AFG2A: variants seen among roughly 807,000 people sequenced by gnomAD.
The protein encoded by AFG2A is AAA ATPase AFG2A.
At chr4:123,000,429 C>T in the AFG2A span, among the ~76,000 whole-genome samples, 1 of 151,690 alleles carries the variant, frequency 6.6e-6, no homozygotes, top group East Asian at 1.9e-4. Flanking sequence ...CAGTATGATA[C>T]TGGCTGTGGG....
chr4:122,967,708 G>T, the AFG2A span, among the ~76,000 whole-genome samples: 1 of 151,944 alleles, frequency 6.6e-6, no homozygotes, highest in Non-Finnish European at 1.5e-5. Flanking sequence ...TTGCAGTATT[G>T]CCGAGACTGG....
chr4:123,216,317 T>C, the AFG2A span, among the ~76,000 whole-genome samples: 1 of 152,172 alleles, frequency 6.6e-6, no homozygotes, highest in Admixed American at 6.6e-5. Context: ...GTGGTTAATA[T>C]ATAATATAAA....
chr4:123,035,438 A>C, the AFG2A span, among the ~76,000 whole-genome samples: 1 of 152,140 alleles, frequency 6.6e-6, no homozygotes, highest in Non-Finnish European at 1.5e-5. Flanking sequence ...ATTTGCTTAA[A>C]TCGGCAGTTA....
At chr4:123,167,614 T>C in the AFG2A span, among the ~76,000 whole-genome samples, 1 of 152,222 alleles carries the variant, frequency 6.6e-6, no homozygotes, top group Non-Finnish European at 1.5e-5. Flanking sequence ...CCCAAAGTGC[T>C]GGGATTACAG....
the AFG2A span, among the ~76,000 whole-genome samples, chr4:123,130,486 A>G: frequency 5.9e-5 from 9 of 152,206 alleles, no homozygotes; most frequent in Non-Finnish European, 1.2e-4. Flanking sequence ...AGTTTTGCCC[A>G]TTTCCCAAAT....
At chr4:123,102,748 G>A in the AFG2A span, among the ~76,000 whole-genome samples, 2 of 149,510 alleles carry the variant, frequency 1.3e-5, no homozygotes, top group African/African-American at 4.9e-5. Flanking sequence ...TAATTTTAAA[G>A]TACATAAAGA....
the AFG2A span, among the ~76,000 whole-genome samples, chr4:123,240,346 C>T: frequency 1.3e-5 from 2 of 152,282 alleles, no homozygotes; most frequent in East Asian, 3.9e-4. Flanking sequence ...AGCACCACGT[C>T]GCAATTACTC....
At chr4:123,031,677 T>C in the AFG2A span, among the ~76,000 whole-genome samples, 1 of 152,236 alleles carries the variant, frequency 6.6e-6, no homozygotes, top group African/African-American at 2.4e-5. Flanking sequence ...TTTAAACAGA[T>C]TGAAAGGAAA....
At chr4:122,940,511 C>G in the AFG2A span, among the ~76,000 whole-genome samples, 1 of 152,006 alleles carries the variant, frequency 6.6e-6, no homozygotes, top group African/African-American at 2.4e-5. Flanking sequence ...TGTTTGAGTT[C>G]ATTGTAGATT....
the AFG2A span, chr4:123,255,875 A>G: frequency 1.0e-6 from 1 of 968,812 alleles, no homozygotes; most frequent in Non-Finnish European, 1.5e-6. Flanking sequence ...AGATTATGGA[A>G]TCTCTGGTAC....
chr4:123,091,566 A>G, the AFG2A span, among the ~76,000 whole-genome samples: 1 of 152,228 alleles, frequency 6.6e-6, no homozygotes, highest in Non-Finnish European at 1.5e-5. Flanking sequence ...GTTGCCATCA[A>G]CACAAGAACT....
the AFG2A span, chr4:123,256,990 T>G: frequency 8.5e-6 from 3 of 352,316 alleles, no homozygotes; most frequent in Admixed American, 6.5e-5. Flanking sequence ...TTAATATTTT[T>G]TTAAGTACAA....
At chr4:123,153,457 T>G in the AFG2A span, among the ~76,000 whole-genome samples, 12 of 152,204 alleles carry the variant, frequency 7.9e-5, no homozygotes, top group Non-Finnish European at 1.8e-4. Context: ...TTGTACCCAT[T>G]TTTTTTCTTC....
the AFG2A span, among the ~76,000 whole-genome samples, chr4:123,112,979 T>C: frequency 6.6e-6 from 1 of 152,220 alleles, no homozygotes; most frequent in Non-Finnish European, 1.5e-5. Context: ...TAATCTAGTG[T>C]AATTTAATTA....
chr4:123,122,176 A>G, the AFG2A span, among the ~76,000 whole-genome samples: 1 of 152,198 alleles, frequency 6.6e-6, no homozygotes, highest in Non-Finnish European at 1.5e-5. Flanking sequence ...AGTTATGTTG[A>G]TGAGAAAGAG....
At chr4:123,263,118 A>G in the AFG2A span, among the ~76,000 whole-genome samples, 1 of 152,234 alleles carries the variant, frequency 6.6e-6, no homozygotes, top group East Asian at 1.9e-4. Context: ...TCCTTTCAGC[A>G]ATGGAAAACC....
the AFG2A span, among the ~76,000 whole-genome samples, chr4:123,092,093 C>G: frequency 6.6e-6 from 1 of 152,098 alleles, no homozygotes; most frequent in Non-Finnish European, 1.5e-5. Context: ...CTTCCTGATG[C>G]AGTATTTTAT....
chr4:123,312,319 C>T, the AFG2A span, among the ~76,000 whole-genome samples: 1 of 152,156 alleles, frequency 6.6e-6, no homozygotes, highest in African/African-American at 2.4e-5. Flanking sequence ...AAGAGAGCTC[C>T]GTCACCTGGC....
the AFG2A span, among the ~76,000 whole-genome samples, chr4:123,242,165 G>C: frequency 2.6e-5 from 4 of 152,124 alleles, no homozygotes; most frequent in African/African-American, 7.2e-5. Flanking sequence ...AATCAATATT[G>C]TGAAAATATC....
Sources: gnomAD v4.1 joint callset for allele counts (sites outside exome capture counted in the v4.1 genomes callset) on GRCh38, gnomAD v4.1.1 for gene constraint, MANE v1.5 for transcripts, NCBI Gene and HGNC (gene_info 2026-07-23, HGNC 2026-07-21) for gene names.